Variants in HOOK3 observed in about 807,000 individuals in gnomAD.
HOOK3 encodes hook microtubule tethering protein 3.
Under a neutral mutation model 116.3 loss-of-function variants are expected in HOOK3, and 24 were observed. The ratio of observed to expected loss-of-function variants is 0.21; its 90% CI spans 0.15 to 0.29. The LOEUF is 0.29. Among genes scored for constraint, HOOK3 ranks in the 10% least tolerant of loss-of-function variants. HOOK3 has a pLI of 1.00. For missense variants in HOOK3, 632 were observed against 830.2 expected, an observed-to-expected ratio of 0.76 and a Z score of 2.93; for synonymous variants, 275 against 283.0, an observed-to-expected ratio of 0.97 and a Z score of 0.28.
intron 13 of HOOK3, among the ~76,000 whole-genome samples, chr8:42,979,456 T>C (rs11997992): frequency 0.049 from 7,386 of 152,228 alleles, 366 homozygotes; most frequent in African/African-American, 0.12. Context: ...ACTCCTTTGT[T>C]ATCAGCTGGG....
chr8:43,005,511 C>T (rs1027278176), intron 17 of HOOK3, among the ~76,000 whole-genome samples: 8 of 151,556 alleles, frequency 5.3e-5, no homozygotes, highest in South Asian at 2.1e-4. Context: ...TGTGAGCCAC[C>T]GCGCCTGGCC....
intron 10 of HOOK3, 102 bp from the exon 11 acceptor site, chr8:42,967,911 A>G (rs1808660562): frequency 1.5e-6 from 1 of 681,676 alleles, no homozygotes; most frequent in African/African-American, 1.8e-5. Context: ...CTTTTGTCTT[A>G]TTTCATTAGA....
intron 6 of HOOK3, among the ~76,000 whole-genome samples, chr8:42,952,031 C>T (rs1808353877): frequency 6.6e-6 from 1 of 152,114 alleles, no homozygotes; most frequent in Non-Finnish European, 1.5e-5. Flanking sequence ...CTTGCAATGA[C>T]TTCTGACACC....
intron 4 of HOOK3, among the ~76,000 whole-genome samples, chr8:42,941,516 T>TAA (rs1808124424): frequency 1.5e-5 from 1 of 67,976 alleles, no homozygotes; most frequent in Non-Finnish European, 2.6e-5. Flanking sequence ...AGACTCCGTC[T>TAA]CAAAAAAAAA....
At chr8:42,945,497 G>A (rs999722385) in intron 5 of HOOK3, among the ~76,000 whole-genome samples, 1 of 152,042 alleles carries the variant, frequency 6.6e-6, no homozygotes, top group Admixed American at 6.6e-5. Context: ...TTTTAGTAGA[G>A]GCAGGGTTTC....
At chr8:42,968,860 C>T (rs990666731) in intron 11 of HOOK3, among the ~76,000 whole-genome samples, 2 of 152,186 alleles carry the variant, frequency 1.3e-5, no homozygotes, top group African/African-American at 4.8e-5. Context: ...GGCTTTCATT[C>T]CCATTCGTCT....
At chr8:43,014,401 G>C (rs1027650219) in intron 21 of HOOK3, among the ~76,000 whole-genome samples, 1 of 151,498 alleles carries the variant, frequency 6.6e-6, no homozygotes, top group Non-Finnish European at 1.5e-5. Flanking sequence ...TCCTAGGCTG[G>C]AGTGCAGTGG....
intron 16 of HOOK3, chr8:42,998,004 G>GTC (rs1385646172): frequency 4.1e-6 from 1 of 245,712 alleles, no homozygotes; most frequent in East Asian, 1.2e-4. Context: ...AATTTTTAAT[G>GTC]TAACAGTGAC....
chr8:42,970,770 A>C (rs139928646), intron 11 of HOOK3, among the ~76,000 whole-genome samples: 2,289 of 146,406 alleles, frequency 0.016, 25 homozygotes, highest in Non-Finnish European at 0.022. Flanking sequence ...AAGAAATAAA[A>C]GGAATTTGGG....
At chr8:43,004,829 C>T (rs1367172946) in intron 17 of HOOK3, among the ~76,000 whole-genome samples, 1 of 152,010 alleles carries the variant, frequency 6.6e-6, no homozygotes. Flanking sequence ...CATCAGTCTG[C>T]TTAGTAAACC....
intron 8 of HOOK3, among the ~76,000 whole-genome samples, chr8:42,963,802 T>G (rs1808579846): frequency 6.6e-6 from 1 of 152,234 alleles, no homozygotes; most frequent in Admixed American, 6.5e-5. Context: ...GTGAGGTGTT[T>G]CTTCAAATAT....
intron 19 of HOOK3, among the ~76,000 whole-genome samples, chr8:43,010,816 C>T (rs866689073): frequency 8.5e-5 from 13 of 152,184 alleles, no homozygotes; most frequent in African/African-American, 2.9e-4. Context: ...CTAAATAACA[C>T]GTTCAGGAAA....
chr8:43,008,870 G>T (rs1022634992), intron 18 of HOOK3, among the ~76,000 whole-genome samples: 1 of 149,228 alleles, frequency 6.7e-6, no homozygotes, highest in Non-Finnish European at 1.5e-5. Flanking sequence ...CGTTTTAGCC[G>T]GGATGGTCTC....
chr8:42,959,159 C>A, intron 7 of HOOK3, 72 bp from the exon 8 acceptor site: 2 of 981,428 alleles, frequency 2.0e-6, no homozygotes, highest in South Asian at 1.4e-5. Context: ...TGTTTTAATT[C>A]TGTGTTGAAC....
rs959822399 is a variant in HOOK3, at chr8:43,023,959, C to A, written c.*5461C>A. On this transcript the variant is annotated 3_prime_UTR_variant, in exon 22 of 22. Transcript: ENST00000307602. ...AAAATCTAAATTACTTTTAAAAATT[C>A]TCTTAACTCTGCATTTAGTCTCCTA... is the stretch of plus-strand genomic sequence containing the variant. 7.0e-5 allele frequency: 14 copies of A among 200,084 alleles called. No individual in the cohort carries two copies. The highest frequency in any genetic ancestry group is 2.8e-4 in the African/African-American group (12 of 43,448). The allele number at this position is 200,084 out of a possible 1,614,324, so 12.4% of individuals were successfully genotyped here. A position where few individuals can be genotyped will look rare whatever the true frequency, so the allele number is the denominator to read the frequency against.
chr8:42,974,117 C>T lies in HOOK3; in HGVS notation c.1244C>T (p.Thr415Ile), dbSNP rs763325076. Residue 415 changes from threonine to isoleucine, a missense_variant, in exon 13 of 22, where the codon ACA (threonine) becomes ATA (isoleucine). By Grantham distance (89) the Thr-to-Ile change is moderately conservative (BLOSUM62 -1). This residue lies in a region of HOOK3 where 483 missense variants were observed against 648.1 expected (regional missense o/e 0.75). Coordinates refer to ENST00000307602, the MANE Select transcript of HOOK3 (RefSeq NM_032410.4). ...SLQKEKDRLR[T>I]ERDSLKETIE... ...TTTGTGTCTCTCCAGAGGCTGAGAA[C>T]AGAAAGGGATTCTCTGAAGGAAACC... 6.2e-7 allele frequency: 1 copy of T among 1,613,250 alleles called. No homozygotes were observed. Among genetic ancestry groups the T allele is most frequent in the Non-Finnish European group, 8.5e-7 (1 of 1,179,252 alleles).
At chr8:42,924,777 G>A (rs955135239) in intron 2 of HOOK3, among the ~76,000 whole-genome samples, 3 of 152,076 alleles carry the variant, frequency 2.0e-5, no homozygotes, top group Non-Finnish European at 2.9e-5. Context: ...GTTGAAGACC[G>A]GCCTGGCCAA....
At chr8:42,937,323 T>TA (rs199814595) in intron 4 of HOOK3, among the ~76,000 whole-genome samples, 7,492 of 148,274 alleles carry the variant, frequency 0.051, 691 homozygotes, top group African/African-American at 0.18. Context: ...GTTAATCTTT[T>TA]AAAAAAAAAC....
intron 17 of HOOK3, among the ~76,000 whole-genome samples, chr8:43,006,976 T>C (rs925495869): frequency 6.6e-5 from 10 of 151,604 alleles, no homozygotes; most frequent in African/African-American, 2.4e-4. Flanking sequence ...TACCTTTATA[T>C]TGGAATATAA....
Sources: allele counts gnomAD v4.1 joint callset (sites outside exome capture counted in the v4.1 genomes callset), GRCh38; gene constraint gnomAD v4.1.1; regional missense constraint gnomAD v4.1.1; transcripts MANE v1.5; gene names NCBI Gene and HGNC (gene_info 2026-07-23, HGNC 2026-07-21).